FAT3: variants seen among roughly 807,000 people sequenced by gnomAD.
FAT3 encodes protocadherin Fat 3.
FAT3 carries 95 observed loss-of-function variants against 310.2 expected under a neutral mutation model. The observed-to-expected ratio is 0.31, with a 90% CI of 0.26 to 0.36. The LOEUF (loss-of-function observed/expected upper bound fraction) is 0.36, where lower values mean the gene tolerates loss of function less well. Ranked by LOEUF, FAT3 falls within the 10% of genes least tolerant of loss-of-function variation. The pLI is 1.00. For synonymous variants in FAT3, 2,314 were observed against 2,192.9 expected, an observed-to-expected ratio of 1.06 and a Z score of -1.54; for missense variants, 5,408 against 5,715.6, an observed-to-expected ratio of 0.95 and a Z score of 1.74.
chr11:92,715,260 T>A (rs1221289240), intron 4 of FAT3, among the ~76,000 whole-genome samples: 17 of 135,054 alleles, frequency 1.3e-4, no homozygotes, highest in Non-Finnish European at 1.9e-4. Flanking sequence ...AAAAAAAAAA[T>A]AGCTGGGTGT....
intron 2 of FAT3, among the ~76,000 whole-genome samples, chr11:92,470,057 T>C (rs1951867775): frequency 6.6e-6 from 1 of 152,204 alleles, no homozygotes; most frequent in African/African-American, 2.4e-5. Context: ...ATTTTCATTA[T>C]CTCTAACGGT....
At chr11:92,647,029 C>T (rs1217605013) in intron 3 of FAT3, among the ~76,000 whole-genome samples, 6 of 152,038 alleles carry the variant, frequency 3.9e-5, no homozygotes, top group Non-Finnish European at 7.4e-5. Context: ...TAGGACAATT[C>T]CTATTTTCTT....
chr11:92,499,183 G>A (rs75462639), intron 2 of FAT3, among the ~76,000 whole-genome samples: 3,040 of 152,076 alleles, frequency 0.02, 38 homozygotes, highest in Middle Eastern at 0.048. Context: ...ATGTCAAAAG[G>A]GAAGAGAATG....
At chr11:92,864,217 G>A (rs1305216242) in intron 21 of FAT3, among the ~76,000 whole-genome samples, 3 of 152,090 alleles carry the variant, frequency 2.0e-5, no homozygotes, top group African/African-American at 7.2e-5. Context: ...TGAGAGAGGA[G>A]AATGAACCAA....
chr11:92,660,896 C>A (rs1033167634), intron 3 of FAT3, among the ~76,000 whole-genome samples: 5 of 152,188 alleles, frequency 3.3e-5, no homozygotes, highest in African/African-American at 1.2e-4. Context: ...TCTTAAACAG[C>A]AACAGCTGTC....
intron 3 of FAT3, among the ~76,000 whole-genome samples, chr11:92,615,611 T>G (rs1940765405): frequency 6.6e-6 from 1 of 152,228 alleles, no homozygotes; most frequent in Admixed American, 6.5e-5. Context: ...CTTGTGGGCA[T>G]TTAGTGCTAT....
At chr11:92,720,150 G>A (rs992650998) in intron 4 of FAT3, among the ~76,000 whole-genome samples, 1 of 152,128 alleles carries the variant, frequency 6.6e-6, no homozygotes, top group African/African-American at 2.4e-5. Context: ...TATCCTGAAG[G>A]ATCTTTTTAA....
Position 92,801,552 on chromosome 11 carries a change from G to A in FAT3, c.8539G>A (p.Gly2847Arg). 6.2e-7 allele frequency: 1 copy of A among 1,607,954 alleles called. No homozygotes were observed. Residue 2847 changes from glycine (G) to arginine (R), a missense_variant, in exon 10 of 28, where the codon GGA becomes AGA. By Grantham distance (125) the Gly-to-Arg change is moderately radical. Around this residue, in one of 5 missense-constraint regions of FAT3, gnomAD observed 4,588 missense variants for 4,809.8 expected, o/e 0.95. Transcript: ENST00000525166. ...RAIDMDWGAN[G>R]QVTYSLHSDS... ...TATTGATATGGACTGGGGAGCCAAT[G>A]GACAAGTCACTTACTCCCTCCACTC...
At chr11:92,481,929 T>G (rs1322004522) in intron 2 of FAT3, among the ~76,000 whole-genome samples, 1 of 152,192 alleles carries the variant, frequency 6.6e-6, no homozygotes, top group Non-Finnish European at 1.5e-5. Context: ...AAAGTATAAT[T>G]TAGAAAATTA....
At chr11:92,824,340 G>A (rs185440328) in intron 13 of FAT3, among the ~76,000 whole-genome samples, 1 of 152,090 alleles carries the variant, frequency 6.6e-6, no homozygotes, top group African/African-American at 2.4e-5. Context: ...CTGGGTGACA[G>A]AGTGAGACTC....
chr11:92,409,987 TAAG>T (rs2134912213), intron 2 of FAT3, among the ~76,000 whole-genome samples: 1 of 152,160 alleles, frequency 6.6e-6, no homozygotes, highest in East Asian at 1.9e-4. Context: ...AAGAAGTAAA[TAAG>T]AAGTATACAT....
At chr11:92,424,512 G>T (rs977564030) in intron 2 of FAT3, among the ~76,000 whole-genome samples, 1 of 152,056 alleles carries the variant, frequency 6.6e-6, no homozygotes, top group African/African-American at 2.4e-5. Context: ...AATGGCCAGA[G>T]AATTTGTGAA....
At chr11:92,696,026 T>C (rs1943927902) in intron 3 of FAT3, among the ~76,000 whole-genome samples, 1 of 152,218 alleles carries the variant, frequency 6.6e-6, no homozygotes, top group Admixed American at 6.5e-5. Flanking sequence ...AAATGATAAG[T>C]ATTGTAGGTG....
chr11:92,603,231 G>A (rs189121160), intron 3 of FAT3, among the ~76,000 whole-genome samples: 2 of 152,278 alleles, frequency 1.3e-5, no homozygotes, highest in East Asian at 3.9e-4. Flanking sequence ...CACTGTGGCT[G>A]CTATTCCTGT....
intron 1 of FAT3, among the ~76,000 whole-genome samples, chr11:92,345,178 C>T (rs1948380264): frequency 6.6e-6 from 1 of 152,070 alleles, no homozygotes; most frequent in Non-Finnish European, 1.5e-5. Flanking sequence ...ATTTCATCTT[C>T]TCCCTGGAGC....
intron 3 of FAT3, chr11:92,559,517 TG>T: frequency 2.8e-6 from 1 of 357,098 alleles, no homozygotes; most frequent in South Asian, 2.1e-5. Flanking sequence ...CTTGAGTAGC[TG>T]GGACTATAGG....
chr11:92,736,456 A>G (rs964903926), intron 4 of FAT3, among the ~76,000 whole-genome samples: 2 of 152,162 alleles, frequency 1.3e-5, no homozygotes, highest in Non-Finnish European at 1.5e-5. Context: ...TTACACTGCA[A>G]AAGAGTGAAA....
chr11:92,656,970 G>A (rs1400644515), intron 3 of FAT3, among the ~76,000 whole-genome samples: 1 of 152,036 alleles, frequency 6.6e-6, no homozygotes, highest in Non-Finnish European at 1.5e-5. Context: ...AGGGGAGGGG[G>A]TGCAGGGGTA....
At chr11:92,473,407 G>T (rs1049935588) in intron 2 of FAT3, among the ~76,000 whole-genome samples, 1 of 152,038 alleles carries the variant, frequency 6.6e-6, no homozygotes, top group Non-Finnish European at 1.5e-5. Flanking sequence ...CCTTCTATCT[G>T]TCTTTAGCAT....
Sources: allele counts gnomAD v4.1 joint callset (sites outside exome capture counted in the v4.1 genomes callset), GRCh38; gene constraint gnomAD v4.1.1; regional missense constraint gnomAD v4.1.1; transcripts MANE v1.5; gene names NCBI Gene and HGNC (gene_info 2026-07-23, HGNC 2026-07-21).